TUBGCP5: variants seen among roughly 807,000 people sequenced by gnomAD.
TUBGCP5 encodes tubulin gamma complex component 5.
TUBGCP5 carries 98 observed loss-of-function variants against 134.7 expected under a neutral mutation model. That is an observed-to-expected ratio of 0.73 (90% confidence interval 0.62 to 0.86). TUBGCP5 has a LOEUF of 0.86. Ranked by LOEUF, TUBGCP5 falls within the 40% of genes least tolerant of loss-of-function variation. The pLI, the probability that TUBGCP5 is intolerant of heterozygous loss-of-function variation, is 0.00. For synonymous variants in TUBGCP5, 456 were observed against 431.4 expected (o/e 1.06, Z -0.71); for missense variants, 1,150 against 1,244.8 (o/e 0.92, Z 1.15).
At chr15:23,005,383 A>G (rs1371113275) in intron 19 of TUBGCP5, 49 bp downstream of exon 19, 29 of 1,589,184 alleles carry the variant, frequency 1.8e-5, no homozygotes, top group Non-Finnish European at 2.3e-5. Flanking sequence ...TCTACGAACA[A>G]CTGTATAGAT....
chr15:23,008,792 T>C lies in TUBGCP5; in HGVS notation c.2234A>G (p.Lys745Arg), dbSNP rs577732850. Residue 745 changes from lysine (K) to arginine (R), a missense_variant, in exon 16 of 23, where the codon AAA (lysine) becomes AGA (arginine). Lys to Arg is a conservative substitution (Grantham distance 26). Transcript: ENST00000615383. Reference sequence around the variant, plus strand: ...CTGCCATGTTTCCTTTTCTCTTATTTTATCAAAAATTGACGTGTAGAAGTC... The same window carrying C: ...CTGCCATGTTTCCTTTTCTCTTATTCTATCAAAAATTGACGTGTAGAAGTC... ...MYDFYTSIFD[K>R]IREKETWQNV... 17 of 1,603,340 alleles carry C rather than the reference T, an allele frequency of 1.1e-5. No homozygotes were observed. The East Asian group carries it at 3.4e-4, about 32-fold the overall frequency.
At position 23,022,107 on chromosome 15, in the gene TUBGCP5, T is replaced by G. The variant is rs1359991020; in HGVS notation, c.1223A>C (p.Gln408Pro). ...AAACACTTTGTGCAGAACCTTGAGC[T>G]GAGACAATCGAGGTGCCAACTTGTC... ...VVDKLAPRLS[Q>P]LKVLHKVFST... The change falls in exon 11 of 23, where the codon CAG becomes CCG. Residue 408 changes from glutamine to proline, a missense_variant. Physicochemically the swap from Gln to Pro is moderately conservative, Grantham distance 76 (BLOSUM62 -1). This residue lies in a region of TUBGCP5 where 697 missense variants were observed against 850.1 expected (regional missense o/e 0.82). Coordinates refer to ENST00000615383, the MANE Select transcript of TUBGCP5 (RefSeq NM_052903.6). 1 of 1,614,230 alleles carries G rather than the reference T, an allele frequency of 6.2e-7. No homozygotes were observed. The highest frequency in any genetic ancestry group is 1.7e-5 in the Admixed American group (1 of 60,024).
chr15:22,985,407 G>A (rs2063649584), intron 23 of TUBGCP5, among the ~76,000 whole-genome samples: 1 of 151,722 alleles, frequency 6.6e-6, no homozygotes, highest in African/African-American at 2.4e-5. Context: ...TAGTAGAGAT[G>A]GGGTTTCTCC....
intron 4 of TUBGCP5, 60 bp downstream of exon 4, chr15:23,032,668 A>G (rs2066379618): frequency 1.7e-6 from 2 of 1,201,822 alleles, no homozygotes; most frequent in African/African-American, 1.5e-5. Flanking sequence ...GTGTTTAGCA[A>G]CTAAGTAATC....
In TUBGCP5 at chr15:23,030,984, G is replaced by A. The variant is rs376773828; in HGVS notation, c.523C>T (p.Gln175Ter). The A allele has an allele frequency of 6.2e-7, 1 of 1,612,912 alleles. No homozygotes were observed. Among genetic ancestry groups the A allele is most frequent in the Admixed American group, 1.7e-5 (1 of 59,596 alleles). ...CCAGAGTCCTCTCTGCTTAAGGGCTGTTGATCATTTTCCTCTTCACTTTCT... is the reference window on the plus strand; with the variant it reads ...CCAGAGTCCTCTCTGCTTAAGGGCTATTGATCATTTTCCTCTTCACTTTCT... ...SEESEEENDQQPLSREDSGIQ... is the reference protein window; with the variant it reads ...SEESEEENDQ The change falls in exon 6 of 23, where the codon CAG becomes TAG. Residue 175 changes from glutamine to a stop codon, truncating the protein, a stop_gained. Transcript: ENST00000615383. LOFTEE classifies it high-confidence loss of function.
chr15:23,004,285 G>C, intron 19 of TUBGCP5, 58 bp from the exon 20 acceptor site: 1 of 1,576,050 alleles, frequency 6.3e-7, no homozygotes, highest in Non-Finnish European at 8.6e-7. Flanking sequence ...CTTGTGTGCT[G>C]CACACAAATC....
chr15:23,015,555 T>A (rs1304170673), intron 13 of TUBGCP5, among the ~76,000 whole-genome samples: 1 of 151,974 alleles, frequency 6.6e-6, no homozygotes, highest in Non-Finnish European at 1.5e-5. Context: ...GGCAAGAGAA[T>A]GACTTGAACC....
At chr15:23,000,265 T>G in intron 22 of TUBGCP5, 2 of 1,245,984 alleles carry the variant, frequency 1.6e-6, no homozygotes, top group South Asian at 6.6e-5. Context: ...AAGAAATAGT[T>G]ACAAAAACTA....
intron 14 of TUBGCP5, among the ~76,000 whole-genome samples, chr15:23,010,782 A>ATC: frequency 6.6e-6 from 1 of 151,954 alleles, no homozygotes; most frequent in East Asian, 1.9e-4. Context: ...AGTTCGAGGC[A>ATC]AGCCTGGCCA....
Position 23,036,952 on chromosome 15 carries a change from T to C in TUBGCP5, c.254A>G (p.Lys85Arg), listed in dbSNP as rs1468269340. 1.2e-6 allele frequency: 2 copies of C among 1,612,854 alleles called. No homozygotes were observed. Residue 85 changes from lysine to arginine, a missense_variant, in exon 3 of 23, where the codon AAG (lysine) becomes AGG (arginine). Lys to Arg is a conservative substitution (Grantham distance 26). Coordinates refer to ENST00000615383, the MANE Select transcript of TUBGCP5 (RefSeq NM_052903.6). ...ATTTAGAAATTCCTCCGTTAATCTC[T>C]TCCAACTAGCAGCTTTGCTTAGATC... Reference protein sequence around the residue: ...HSDLSKAASWKRLTEEFLNAP... With the variant: ...HSDLSKAASWRRLTEEFLNAP...
At chr15:23,005,775 G>A (rs2064671949) in intron 18 of TUBGCP5, 165 bp from the exon 19 acceptor site, 1 of 755,024 alleles carries the variant, frequency 1.3e-6, no homozygotes, top group Admixed American at 3.1e-5. Flanking sequence ...GGTGCAGTGG[G>A]AAAAGTTTCC....
intron 18 of TUBGCP5, 27 bp downstream of exon 18, chr15:23,006,025 A>G: frequency 6.4e-7 from 1 of 1,574,424 alleles, no homozygotes; most frequent in Non-Finnish European, 8.6e-7. Flanking sequence ...ATAAAATTAC[A>G]ATTTATCTGC....
At position 23,005,629 on chromosome 15, in the gene TUBGCP5, G is replaced by A. The variant is rs189799988; in HGVS notation, c.2534-19C>T. The A allele has an allele frequency of 8.2e-5, 132 of 1,605,038 alleles. 2 individuals are homozygous for A. In the African/African-American group the frequency reaches 1.7e-3, roughly 20 times the overall value. ...ACCAGTTCTATAAAACATTGGAAGAGCAAAGTGGACAGAAAGAGCATCAAC... is the reference window on the plus strand; with the variant it reads ...ACCAGTTCTATAAAACATTGGAAGAACAAAGTGGACAGAAAGAGCATCAAC... On this transcript the variant is annotated intron_variant, in intron 18 of 22. Coordinates refer to ENST00000615383, the MANE Select transcript of TUBGCP5 (RefSeq NM_052903.6).
chr15:23,026,332 G>T, intron 7 of TUBGCP5, 127 bp from the exon 8 acceptor site: 1 of 720,420 alleles, frequency 1.4e-6, no homozygotes, highest in Non-Finnish European at 2.4e-6. Flanking sequence ...CATAATAAAT[G>T]GCTTAAATGC....
downstream of TUBGCP5, among the ~76,000 whole-genome samples, chr15:22,997,212 C>A (rs966597468): frequency 1.3e-5 from 2 of 151,830 alleles, no homozygotes; most frequent in Non-Finnish European, 2.9e-5. Flanking sequence ...CGGAGTCTTG[C>A]TCTGTCACCC....
At position 23,004,247 on chromosome 15, in the gene TUBGCP5, A is replaced by G. The variant is rs1266700971; in HGVS notation, c.2713-20T>C. On this transcript the variant is annotated intron_variant, in intron 19 of 22. Coordinates refer to ENST00000615383, the MANE Select transcript of TUBGCP5 (RefSeq NM_052903.6). The stretch of plus-strand genomic sequence containing the variant: ...TAGAATCTTGGAAGAGAAAGATAAA[A>G]AGCTTCATCAGCAGCCTTCTTTGAG... 3.7e-6 allele frequency: 6 copies of G among 1,602,086 alleles called. No individual in the cohort carries two copies. The highest frequency in any genetic ancestry group is 4.5e-5 in the East Asian group (2 of 44,416).
rs2066407639 is a variant in TUBGCP5 at position 23,033,172 on chromosome 15, T to C, written c.310-348A>G. 2.6e-5 allele frequency among the ~76,000 whole-genome samples: 4 copies of C among 152,356 alleles called. No homozygotes were observed. In the South Asian group the frequency reaches 8.3e-4, roughly 32 times the overall value. ...CAATATGTATCATGAAGGTTAAACA[T>C]GCCTGATAGTTTAACTAAGATGTAT... On this transcript the variant is annotated intron_variant, in intron 3 of 22. Transcript: ENST00000615383.
At chr15:23,020,417 C>CA (rs762545747) in intron 11 of TUBGCP5, among the ~76,000 whole-genome samples, 93 of 146,462 alleles carry the variant, frequency 6.3e-4, no homozygotes, top group East Asian at 5.0e-3. Flanking sequence ...AAACAAAAAA[C>CA]AAAAAAAAAC....
chr15:22,999,864 C>T lies in TUBGCP5; in HGVS notation c.3031G>A (p.Glu1011Lys). ...GCCATGAGTGACAACGCTAGAGATT[C>T]CACTGTGGGAAGAATAAAAATAAGG... Reference protein sequence around the residue: ...AVCRGSFPHLESLALSLMAGM... With the variant: ...AVCRGSFPHLKSLALSLMAGM... Residue 1011 changes from glutamate (E) to lysine (K), a missense_variant and splice_region_variant, in exon 23 of 23, where the codon GAA becomes AAA. Physicochemically the swap from Glu to Lys is moderately conservative, Grantham distance 56. Transcript: ENST00000615383. 6.2e-7 allele frequency: 1 copy of T among 1,613,774 alleles called. No individual in the cohort carries two copies. The highest frequency in any genetic ancestry group is 8.5e-7 in the Non-Finnish European group (1 of 1,179,828).
Sources: gnomAD v4.1 joint callset for allele counts (sites outside exome capture counted in the v4.1 genomes callset) on GRCh38, gnomAD v4.1.1 for gene constraint, gnomAD v4.1.1 regional missense constraint, MANE v1.5 for transcripts, NCBI Gene and HGNC (gene_info 2026-07-23, HGNC 2026-07-21) for gene names.